The following ZNF283 variants were observed in gnomAD, a reference collection of about 807,000 sequenced individuals.
ZNF283 encodes the protein zinc finger protein 41.
In ZNF283, 10 loss-of-function variants were observed where a neutral mutation model predicts 9.2. That is an observed-to-expected ratio of 1.09 (90% CI 0.67 to 1.85). ZNF283 has a LOEUF of 1.85. Among genes scored for constraint, ZNF283 ranks in the 40% most tolerant of loss-of-function variants. The pLI is 0.00. For missense variants in ZNF283, 631 were observed against 760.1 expected, an observed-to-expected ratio of 0.83 and a Z score of 2.00; for synonymous variants, 234 against 244.1, an observed-to-expected ratio of 0.96 and a Z score of 0.38.
At chr19:43,835,683 C>G in intron 5 of ZNF283, 91 bp downstream of exon 5, 1 of 1,006,022 alleles carries the variant, frequency 9.9e-7, no homozygotes, top group Admixed American at 2.1e-5. Context: ...TAGAACTTCT[C>G]CATAGACCCA....
At chr19:43,830,893 A>G (rs1029448001) in intron 2 of ZNF283, among the ~76,000 whole-genome samples, 4 of 126,816 alleles carry the variant, frequency 3.2e-5, no homozygotes, top group African/African-American at 1.3e-4. Context: ...ACAGAGCAAG[A>G]CTCCATCTAA....
chr19:43,836,920 A>G (rs1971004389), intron 5 of ZNF283, 133 bp from the exon 6 acceptor site: 6 of 938,804 alleles, frequency 6.4e-6, no homozygotes, highest in Non-Finnish European at 9.7e-6. Flanking sequence ...TTTCCTACCT[A>G]TATCAGAGGC....
In ZNF283 at chr19:43,850,039, CAG is replaced by C. The variant is rs1971561987; in HGVS notation, c.*1401_*1402del. ...TAAAGAATTTGAGGGGATTTTAATT[CAG>C]AGTTTATCCCTTAAGCTGAGCTAAA... On this transcript the variant is annotated 3_prime_UTR_variant, in exon 7 of 7. Coordinates refer to ENST00000618787, the MANE Select transcript of ZNF283 (RefSeq NM_181845.2). The C allele has an allele frequency of 6.6e-6, 1 of 152,020 alleles. No individual in the cohort carries two copies. Among genetic ancestry groups the C allele is most frequent in the Admixed American group, 6.6e-5 (1 of 15,258 alleles). The allele number at this position is 152,020 out of a possible 1,614,324, so 9.4% of individuals were successfully genotyped here.
chr19:43,844,562 T>C (rs1971333754), intron 6 of ZNF283, among the ~76,000 whole-genome samples: 1 of 152,190 alleles, frequency 6.6e-6, no homozygotes, highest in Non-Finnish European at 1.5e-5. Context: ...CACCCAAATG[T>C]TAATGCATAA....
chr19:43,850,650 G>T lies in ZNF283; in HGVS notation c.*2009G>T, dbSNP rs1330397436. ...GATGGGGTTTTGCCATGTTGGTCCA[G>T]GCTGATCTTGAACTCCTGCACCTGC... is the stretch of plus-strand genomic sequence containing the variant. On this transcript the variant is annotated 3_prime_UTR_variant, in exon 7 of 7. Transcript: ENST00000618787. 6.6e-6 allele frequency: 1 copy of T among 152,096 alleles called. No homozygotes were observed. Among genetic ancestry groups the T allele is most frequent in the East Asian group, 1.9e-4 (1 of 5,196 alleles). The allele number at this position is 152,096 out of a possible 1,614,324, so 9.4% of individuals were successfully genotyped here. A position where few individuals can be genotyped will look rare whatever the true frequency, so the allele number is the denominator to read the frequency against.
At chr19:43,829,277 C>T (rs923499444) in intron 2 of ZNF283, among the ~76,000 whole-genome samples, 4 of 152,030 alleles carry the variant, frequency 2.6e-5, no homozygotes, top group Non-Finnish European at 4.4e-5. Context: ...CCCAGCTACT[C>T]GGGAGGCTGA....
chr19:43,841,086 C>A (rs1971192626), intron 6 of ZNF283: 1 of 152,100 alleles, frequency 6.6e-6, no homozygotes, highest in African/African-American at 2.4e-5. Context: ...TTTTGTGTGA[C>A]ATCACTCCTA....
rs1431784419 is a variant in ZNF283, at chr19:43,846,811, G to A, written c.338-128G>A. ...CAAGGCTGAGTTTGTTATTTAACAA[G>A]GGAGTGCCTTAATGCCAAGGAGTGA... On this transcript the variant is annotated intron_variant, in intron 6 of 6. Transcript: ENST00000618787. 5 of 624,102 alleles carry A rather than the reference G, an allele frequency of 8.0e-6. No individual in the cohort carries two copies. In the Admixed American group the frequency reaches 1.8e-4, roughly 22 times the overall value. The allele number at this position is 624,102 out of a possible 1,614,324, so 38.7% of individuals were successfully genotyped here.
At chr19:43,837,442 A>G in intron 6 of ZNF283, 1 of 408,806 alleles carries the variant, frequency 2.4e-6, no homozygotes, top group Non-Finnish European at 4.3e-6. Context: ...GATTTGCATT[A>G]TAGAACATTT....
intron 6 of ZNF283, 118 bp downstream of exon 6, chr19:43,837,297 AG>A: frequency 9.2e-7 from 1 of 1,091,980 alleles, no homozygotes; most frequent in Non-Finnish European, 1.3e-6. Flanking sequence ...CCCCTTCCCA[AG>A]GGCATGCTTT....
chr19:43,833,807 A>G (rs911552222), intron 4 of ZNF283, 181 bp downstream of exon 4: 19 of 152,216 alleles, frequency 1.2e-4, no homozygotes, highest in Admixed American at 1.2e-3. Context: ...TTAAGGATAC[A>G]TTTCTAGAAG....
intron 6 of ZNF283, among the ~76,000 whole-genome samples, chr19:43,844,732 A>G (rs1971343591): frequency 6.6e-6 from 1 of 152,202 alleles, no homozygotes; most frequent in South Asian, 2.1e-4. Context: ...GGCAAGGCAC[A>G]TGAAAACCCC....
intron 6 of ZNF283, chr19:43,838,072 T>C (rs1325032055): frequency 6.6e-6 from 1 of 152,264 alleles, no homozygotes; most frequent in African/African-American, 2.4e-5. Context: ...CCAGCTATTT[T>C]GTATAGTGTT....
chr19:43,848,135 G>T lies in ZNF283; in HGVS notation c.1534G>T (p.Glu512Ter). The T allele has an allele frequency of 6.2e-7, 1 of 1,613,880 alleles. No homozygotes were observed. Among genetic ancestry groups the T allele is most frequent in the Non-Finnish European group, 8.5e-7 (1 of 1,179,878 alleles). Reference protein sequence around the residue: ...LTRHQVFHTGEKPYECKECGK... With the variant: ...LTRHQVFHTG Reference sequence around the variant, plus strand: ...TCGACATCAGGTATTTCACACTGGTGAGAAACCCTATGAATGTAAGGAATG... The same window carrying T: ...TCGACATCAGGTATTTCACACTGGTTAGAAACCCTATGAATGTAAGGAATG... The change falls in exon 7 of 7, where the codon GAG becomes TAG. Residue 512 changes from glutamate (E) to a stop codon, truncating the protein, a stop_gained. Coordinates refer to ENST00000618787, the MANE Select transcript of ZNF283 (RefSeq NM_181845.2). LOFTEE classifies it low-confidence loss of function (END_TRUNC).
intron 2 of ZNF283, among the ~76,000 whole-genome samples, chr19:43,830,901 TAAAAAAAA>T (rs367850643): frequency 1.4e-5 from 1 of 73,842 alleles, no homozygotes; most frequent in East Asian, 4.7e-4. Flanking sequence ...AGACTCCATC[TAAAAAAAA>T]AAAAAAAAAA....
In ZNF283 at chr19:43,846,954, C is replaced by G. The variant is rs1329482809; in HGVS notation, c.353C>G (p.Thr118Arg). ...TTTCTTTCAGATTTGGAGTCAAAAA[C>G]GTATGAGACCAAAAAAATATTTTCA... ...NLVSLDLESK[T>R]YETKKIFSEN... Residue 118 changes from threonine (T) to arginine (R), a missense_variant, in exon 7 of 7, where the codon ACG becomes AGG. Thr to Arg is a moderately conservative substitution (Grantham distance 71, BLOSUM62 -1). This residue lies in a region of ZNF283 where 184 missense variants were observed against 220.0 expected (regional missense o/e 0.84). Transcript: ENST00000618787. 2.7e-6 allele frequency: 4 copies of G among 1,489,238 alleles called. No homozygotes were observed. Among genetic ancestry groups the G allele is most frequent in the Non-Finnish European group, 3.6e-6 (4 of 1,107,852 alleles). 92.3% of individuals were successfully genotyped at this position (1,489,238 alleles called of 1,614,324 possible). A position where few individuals can be genotyped will look rare whatever the true frequency, so the allele number is the denominator to read the frequency against.
At position 43,848,109 on chromosome 19, in the gene ZNF283, C is replaced by G. The variant is rs1971489032; in HGVS notation, c.1508C>G (p.Thr503Ser). The G allele has an allele frequency of 6.2e-7, 1 of 1,612,572 alleles. No homozygotes were observed. Among genetic ancestry groups the G allele is most frequent in the East Asian group, 2.2e-5 (1 of 44,750 alleles). Residue 503 changes from threonine (T) to serine (S), a missense_variant, in exon 7 of 7, where the codon ACT (threonine) becomes AGT (serine). Transcript: ENST00000618787. The stretch of plus-strand genomic sequence containing the variant: ...ACCTTTTGTAGTGGGTATCAACTTA[C>G]TCGACATCAGGTATTTCACACTGGT... ...GKTFCSGYQL[T>S]RHQVFHTGEK... is the part of the protein sequence containing the mutation.
chr19:43,847,418 AGCT>A lies in ZNF283; in HGVS notation c.819_821del (p.Ser273_Trp274delinsArg). ...GTGTAAGGAATGTGGGAAGACCTTT[AGCT>A]GGGGATCAAGCCTTGTTAAACATGA... On this transcript the variant is annotated inframe_deletion, in exon 7 of 7. Coordinates refer to ENST00000618787, the MANE Select transcript of ZNF283 (RefSeq NM_181845.2). The A allele has an allele frequency of 6.2e-7, 1 of 1,614,002 alleles. No homozygotes were observed. Among genetic ancestry groups the A allele is most frequent in the Non-Finnish European group, 8.5e-7 (1 of 1,179,934 alleles).
chr19:43,848,014 T>C lies in ZNF283; in HGVS notation c.1413T>C (p.Gly471=), dbSNP rs1971483010. Reference sequence around the variant, plus strand: ...AATGTGGGAAGGCCTTTAGTTGGGGTTCAAGCCTTGTTAAACATGAGAGAG... The same window carrying C: ...AATGTGGGAAGGCCTTTAGTTGGGGCTCAAGCCTTGTTAAACATGAGAGAG... ...CKECGKAFSW[G]SSLVKHERVH... is the part of the protein sequence containing the mutation. The change falls in exon 7 of 7, where the codon GGT becomes GGC. Residue 471 remains glycine, a synonymous_variant. Coordinates refer to ENST00000618787, the MANE Select transcript of ZNF283 (RefSeq NM_181845.2). 3.1e-6 allele frequency: 5 copies of C among 1,606,874 alleles called. No individual in the cohort carries two copies. The highest frequency in any genetic ancestry group is 4.2e-6 in the Non-Finnish European group (5 of 1,177,830).
Sources: gnomAD v4.1 joint callset for allele counts (sites outside exome capture counted in the v4.1 genomes callset) on GRCh38, gnomAD v4.1.1 for gene constraint, gnomAD v4.1.1 regional missense constraint, MANE v1.5 for transcripts, NCBI Gene and HGNC (gene_info 2026-07-23, HGNC 2026-07-21) for gene names.